Variants in CUX2 observed in about 807,000 individuals in gnomAD.
CUX2 encodes homeobox protein cut-like 2.
A neutral mutation model predicts 144.8 loss-of-function variants in CUX2; 40 were observed. The observed-to-expected ratio is 0.28, with a 90% CI of 0.21 to 0.36. The LOEUF is 0.36. Among genes scored for constraint, CUX2 ranks in the 10% least tolerant of loss-of-function variants. The pLI, the probability that CUX2 is intolerant of heterozygous loss-of-function variation, is 1.00. For missense variants in CUX2, 1,615 were observed against 1,994.0 expected, an observed-to-expected ratio of 0.81 and a Z score of 3.62; for synonymous variants, 827 against 875.6, an observed-to-expected ratio of 0.94 and a Z score of 0.98.
At chr12:111,038,609 A>G (rs962427909) in intron 1 of CUX2, among the ~76,000 whole-genome samples, 3 of 152,244 alleles carry the variant, frequency 2.0e-5, no homozygotes, top group Non-Finnish European at 2.9e-5. Flanking sequence ...AGAGCTAGAA[A>G]CAGGTGTTGA....
chr12:111,172,714 CTG>C (rs758536046), intron 1 of CUX2, among the ~76,000 whole-genome samples: 2 of 152,204 alleles, frequency 1.3e-5, no homozygotes, highest in African/African-American at 2.4e-5. Flanking sequence ...TAAAAGGAGT[CTG>C]TGTCTTGTCA....
At chr12:111,200,607 G>GCCC (rs1273650414) in intron 1 of CUX2, among the ~76,000 whole-genome samples, 1 of 151,994 alleles carries the variant, frequency 6.6e-6, no homozygotes, top group Non-Finnish European at 1.5e-5. Context: ...TACCTGGCCA[G>GCCC]CCCCCATTCA....
chr12:111,271,138 G>A (rs1884630275), intron 4 of CUX2, among the ~76,000 whole-genome samples: 1 of 152,180 alleles, frequency 6.6e-6, no homozygotes, highest in Non-Finnish European at 1.5e-5. Flanking sequence ...TGTTGTCAGG[G>A]ACATTGGATA....
At chr12:111,328,037 A>G (rs1887897936) in intron 18 of CUX2, among the ~76,000 whole-genome samples, 3 of 152,110 alleles carry the variant, frequency 2.0e-5, no homozygotes, top group Admixed American at 1.3e-4. Context: ...CAGTCTGGAC[A>G]ATAGAGCGAG....
chr12:111,190,036 T>C lies in CUX2; in HGVS notation c.64-24164T>C, dbSNP rs1205282785. On this transcript the variant is annotated intron_variant, in intron 1 of 21. Transcript: ENST00000261726. The surrounding 1 kb of genome is among the most constrained non-coding windows in gnomAD (Gnocchi z 4.0). The stretch of plus-strand genomic sequence containing the variant: ...AGCCATTCTGGTGGGTATGTAGCAC[T>C]ATCTCCTTGTGGCTTAAATTTTCAT... Among the ~76,000 whole-genome samples the C allele has an allele frequency of 2.0e-5, 3 of 152,198 alleles. No homozygotes were observed.
intron 1 of CUX2, among the ~76,000 whole-genome samples, chr12:111,102,153 C>T (rs1873290561): frequency 2.0e-5 from 3 of 152,122 alleles, no homozygotes; most frequent in South Asian, 4.2e-4. Context: ...TGGGCATGCC[C>T]GAGGCATCGT....
intron 3 of CUX2, among the ~76,000 whole-genome samples, chr12:111,247,003 A>G (rs528010735): frequency 1.2e-4 from 18 of 152,306 alleles, no homozygotes; most frequent in Admixed American, 8.5e-4. Context: ...TGATAATAAA[A>G]TCAACATCTA....
rs374844281 is a variant in CUX2 at position 111,123,192 on chromosome 12, C to CT, written c.63+88960dup. 1.2e-3 allele frequency among the ~76,000 whole-genome samples: 190 copies of CT among 152,068 alleles called. 1 individual carries two copies. The highest frequency in any genetic ancestry group is 3.9e-3 in the African/African-American group (160 of 41,502). On this transcript the variant is annotated intron_variant, in intron 1 of 21. Coordinates refer to ENST00000261726, the MANE Select transcript of CUX2 (RefSeq NM_015267.4). The stretch of plus-strand genomic sequence containing the variant: ...TACCCGGCATATAGTTTCTTTCTTT[C>CT]TTTTTTTTGAGACAGGGTCTCCCTC...
In CUX2 at chr12:111,152,055, C is replaced by T. The variant is rs184385498; in HGVS notation, c.64-62145C>T. ...ACCCCAGCACTTTGGGAGACTGAGG[C>T]GGGCAGATCACCTGAGGTCAGGAGT... On this transcript the variant is annotated intron_variant, in intron 1 of 21. Coordinates refer to ENST00000261726, the MANE Select transcript of CUX2 (RefSeq NM_015267.4). Among the ~76,000 whole-genome samples the T allele has an allele frequency of 1.1e-4, 17 of 152,152 alleles. 1 individual carries two copies. The highest frequency in any genetic ancestry group is 3.4e-4 in the African/African-American group (14 of 41,502).
intron 4 of CUX2, among the ~76,000 whole-genome samples, chr12:111,278,921 A>G (rs1885001538): frequency 6.6e-6 from 1 of 152,064 alleles, no homozygotes; most frequent in Non-Finnish European, 1.5e-5. Context: ...GATGTTAGTA[A>G]TTTTTTCCTC....
chr12:111,055,114 C>T (rs1042305162), intron 1 of CUX2, among the ~76,000 whole-genome samples: 2 of 152,228 alleles, frequency 1.3e-5, no homozygotes, highest in African/African-American at 4.8e-5. Context: ...TGGGACAGGG[C>T]TACTACATGT....
chr12:111,325,697 G>A (rs1265057444), intron 18 of CUX2, among the ~76,000 whole-genome samples: 2 of 47,682 alleles, frequency 4.2e-5, no homozygotes, highest in African/African-American at 1.3e-4. Flanking sequence ...GTGTTGTGGT[G>A]GGGGAGGGGT....
chr12:111,347,011 C>CA (rs1025337131), intron 21 of CUX2, among the ~76,000 whole-genome samples: 29 of 150,860 alleles, frequency 1.9e-4, no homozygotes, highest in African/African-American at 6.8e-4. Flanking sequence ...GACTCTGTCT[C>CA]AAAAAAAAGA....
At chr12:111,177,423 C>T (rs1878922985) in intron 1 of CUX2, among the ~76,000 whole-genome samples, 1 of 152,072 alleles carries the variant, frequency 6.6e-6, no homozygotes, top group South Asian at 2.1e-4. Flanking sequence ...CGGAGTCTCA[C>T]TCTTTCACCC....
intron 1 of CUX2, among the ~76,000 whole-genome samples, chr12:111,205,868 T>G (rs1880892298): frequency 6.6e-6 from 1 of 152,190 alleles, no homozygotes; most frequent in Non-Finnish European, 1.5e-5. Context: ...ACACATAGCA[T>G]TCACTCATTC....
intron 1 of CUX2, among the ~76,000 whole-genome samples, chr12:111,102,210 A>C (rs1313776500): frequency 1.3e-5 from 2 of 152,110 alleles, no homozygotes; most frequent in East Asian, 3.9e-4. Flanking sequence ...GCCGCGCCAA[A>C]TGCTGTGCCT....
intron 1 of CUX2, among the ~76,000 whole-genome samples, chr12:111,087,996 T>C (rs758937449): frequency 6.6e-6 from 1 of 152,056 alleles, no homozygotes; most frequent in Non-Finnish European, 1.5e-5. Context: ...GATAAGCTAA[T>C]GATGTGGATA....
At chr12:111,074,959 T>C (rs1871444266) in intron 1 of CUX2, among the ~76,000 whole-genome samples, 1 of 150,548 alleles carries the variant, frequency 6.6e-6, no homozygotes, top group Non-Finnish European at 1.5e-5. Flanking sequence ...TCTCCCTTGC[T>C]CTGCCCCTGC....
At chr12:111,318,608 A>AAAG (rs1412193961) in intron 16 of CUX2, among the ~76,000 whole-genome samples, 1 of 151,684 alleles carries the variant, frequency 6.6e-6, no homozygotes, top group African/African-American at 2.4e-5. Flanking sequence ...TTAAAAAAAA[A>AAAG]AAAAGATTCA....
Sources: allele counts gnomAD v4.1 joint callset (sites outside exome capture counted in the v4.1 genomes callset), GRCh38; gene constraint gnomAD v4.1.1; non-coding constraint Gnocchi (gnomAD v3.1); transcripts MANE v1.5; gene names NCBI Gene and HGNC (gene_info 2026-07-23, HGNC 2026-07-21).